Variants in MYO5A observed in about 807,000 individuals in gnomAD.
MYO5A encodes the protein myosin VA.
In MYO5A, 98 loss-of-function variants were observed where a neutral mutation model predicts 249.7. The observed-to-expected ratio is 0.39, with a 90% CI of 0.33 to 0.46. MYO5A has a LOEUF of 0.46. MYO5A is among the 20% of genes least tolerant of loss of function. The pLI is 0.98. For synonymous variants in MYO5A, 778 were observed against 810.6 expected, an observed-to-expected ratio of 0.96 and a Z score of 0.68; for missense variants, 1,696 against 2,308.8, an observed-to-expected ratio of 0.73 and a Z score of 5.44.
At chr15:52,400,963 T>G (rs1056021516) in intron 9 of MYO5A, among the ~76,000 whole-genome samples, 1 of 152,214 alleles carries the variant, frequency 6.6e-6, no homozygotes, top group Non-Finnish European at 1.5e-5. Flanking sequence ...CATTTCTTCT[T>G]GCATCTTAGA....
At chr15:52,460,326 G>A (rs2141409235) in intron 1 of MYO5A, among the ~76,000 whole-genome samples, 1 of 152,346 alleles carries the variant, frequency 6.6e-6, no homozygotes, top group Admixed American at 6.5e-5. Context: ...AGCGATCCGA[G>A]ATCACGCCAC....
At chr15:52,337,515 G>C (rs2039173365) in intron 33 of MYO5A, among the ~76,000 whole-genome samples, 1 of 152,240 alleles carries the variant, frequency 6.6e-6, no homozygotes, top group African/African-American at 2.4e-5. Context: ...GGGAACAGTT[G>C]CTATCTCTTC....
At chr15:52,522,227 T>C (rs1302916693) in intron 1 of MYO5A, among the ~76,000 whole-genome samples, 1 of 152,190 alleles carries the variant, frequency 6.6e-6, no homozygotes, top group African/African-American at 2.4e-5. Flanking sequence ...AGGGAACTTT[T>C]GGGGTGATGG....
At chr15:52,375,836 T>A (rs2041383275) in intron 19 of MYO5A, among the ~76,000 whole-genome samples, 1 of 152,226 alleles carries the variant, frequency 6.6e-6, no homozygotes, top group Non-Finnish European at 1.5e-5. Context: ...CATACTTAGT[T>A]ATCACCAGCT....
chr15:52,382,084 G>C (rs1011603481), intron 16 of MYO5A, among the ~76,000 whole-genome samples: 6 of 151,934 alleles, frequency 3.9e-5, no homozygotes, highest in Admixed American at 3.9e-4. Context: ...TGTACTTTTA[G>C]TAGAGACAGG....
intron 1 of MYO5A, among the ~76,000 whole-genome samples, chr15:52,513,494 G>A (rs186547444): frequency 5.4e-5 from 8 of 148,194 alleles, no homozygotes; most frequent in Admixed American, 2.0e-4. Context: ...GCACAATCTC[G>A]GCTCACTGCA....
chr15:52,486,705 G>A (rs981708139), intron 1 of MYO5A, among the ~76,000 whole-genome samples: 2 of 152,148 alleles, frequency 1.3e-5, no homozygotes, highest in Non-Finnish European at 2.9e-5. Context: ...GAAAGACTAT[G>A]TTACAAAGGA....
chr15:52,468,193 T>C (rs530622955), intron 1 of MYO5A, among the ~76,000 whole-genome samples: 2 of 151,350 alleles, frequency 1.3e-5, no homozygotes, highest in South Asian at 4.2e-4. Context: ...CTAGACAAAA[T>C]TGTCCCAACT....
chr15:52,479,525 AG>A (rs1246030673), intron 1 of MYO5A, among the ~76,000 whole-genome samples: 1 of 152,210 alleles, frequency 6.6e-6, no homozygotes, highest in Non-Finnish European at 1.5e-5. Context: ...GGTTGTTCAC[AG>A]GTCAACTGCA....
intron 9 of MYO5A, among the ~76,000 whole-genome samples, chr15:52,399,074 C>T (rs1398058986): frequency 6.7e-6 from 1 of 150,260 alleles, no homozygotes; most frequent in Non-Finnish European, 1.5e-5. Flanking sequence ...ATGTTGTTAC[C>T]TTATTGTTCT....
chr15:52,367,832 T>C (rs1280846587), intron 22 of MYO5A, among the ~76,000 whole-genome samples: 1 of 150,478 alleles, frequency 6.6e-6, no homozygotes, highest in Admixed American at 6.7e-5. Flanking sequence ...CACTTAAAAA[T>C]GGTGAAAATG....
intron 1 of MYO5A, among the ~76,000 whole-genome samples, chr15:52,447,136 C>A (rs968703783): frequency 2.4e-4 from 36 of 152,156 alleles, no homozygotes; most frequent in Non-Finnish European, 7.3e-5. Context: ...CTCACCCAAT[C>A]TTATCTTAAA....
chr15:52,462,132 G>A (rs1446935794), intron 1 of MYO5A, among the ~76,000 whole-genome samples: 1 of 151,688 alleles, frequency 6.6e-6, no homozygotes, highest in African/African-American at 2.4e-5. Context: ...CAGGCATGGT[G>A]GCAGGCGCCT....
intron 1 of MYO5A, among the ~76,000 whole-genome samples, chr15:52,491,168 C>A (rs2076929068): frequency 1.3e-5 from 2 of 152,148 alleles, no homozygotes; most frequent in Middle Eastern, 6.8e-3. Context: ...ATTAAACGCC[C>A]AACCATCCAG....
In MYO5A at chr15:52,379,805, A is replaced by C. The variant is rs1224143143; in HGVS notation, c.2099+17T>G. 2 of 1,614,028 alleles carry C rather than the reference A, an allele frequency of 1.2e-6. No individual in the cohort carries two copies. The highest frequency in any genetic ancestry group is 1.7e-6 in the Non-Finnish European group (2 of 1,179,986). ...CTCCCATTAGGATCCCTTACATCTGAAAAATGCCAGGCTCACCGTGAGGGG... is the reference window on the plus strand; with the variant it reads ...CTCCCATTAGGATCCCTTACATCTGCAAAATGCCAGGCTCACCGTGAGGGG... On this transcript the variant is annotated intron_variant, in intron 17 of 41. Transcript: ENST00000399233.
intron 18 of MYO5A, 64 bp downstream of exon 18, chr15:52,379,561 G>C (rs2041624949): frequency 6.9e-7 from 1 of 1,441,362 alleles, no homozygotes; most frequent in African/African-American, 1.4e-5. Context: ...AAGTTCCCGG[G>C]GCTTTCCAAG....
chr15:52,404,073 C>T (rs963927785), intron 9 of MYO5A, among the ~76,000 whole-genome samples: 1 of 152,096 alleles, frequency 6.6e-6, no homozygotes, highest in African/African-American at 2.4e-5. Context: ...CAAGAGCAGC[C>T]TGGCCAACAT....
At position 52,311,112 on chromosome 15, in the gene MYO5A, G is replaced by C. The variant is rs1023824447; in HGVS notation, c.*2584C>G. On this transcript the variant is annotated 3_prime_UTR_variant, in exon 42 of 42. Transcript: ENST00000399233. ...CAGGACAAAGACAGGAGATGGGAGA[G>C]AAGGGCTCAGACCACAGCCTTTCTT... is the stretch of plus-strand genomic sequence containing the variant. 6.6e-6 allele frequency: 1 copy of C among 152,418 alleles called. No homozygotes were observed. The highest frequency in any genetic ancestry group is 1.5e-5 in the Non-Finnish European group (1 of 68,244). The allele number at this position is 152,418 out of a possible 1,614,324, so 9.4% of individuals were successfully genotyped here.
Position 52,380,792 on chromosome 15 carries a change from T to G in MYO5A, c.2013-884A>C, listed in dbSNP as rs531673371. 5.9e-5 allele frequency among the ~76,000 whole-genome samples: 9 copies of G among 152,144 alleles called. No individual in the cohort carries two copies. In the East Asian group the frequency reaches 1.7e-3, roughly 29 times the overall value. ...AAAAACAACAGCAACAACACAGCAC[T>G]CCTTTGCACTTTGCCCATACTCATT... On this transcript the variant is annotated intron_variant, in intron 16 of 41. Transcript: ENST00000399233.
Sources: allele counts gnomAD v4.1 joint callset (sites outside exome capture counted in the v4.1 genomes callset), GRCh38; gene constraint gnomAD v4.1.1; transcripts MANE v1.5; gene names NCBI Gene and HGNC (gene_info 2026-07-23, HGNC 2026-07-21).